NDP: variants seen among roughly 807,000 people sequenced by gnomAD.
NDP encodes norrin.
NDP carries 2 observed loss-of-function variants against 8.4 expected under a neutral mutation model. The ratio of observed to expected loss-of-function variants is 0.24; its 90% CI spans 0.10 to 0.75. The LOEUF (loss-of-function observed/expected upper bound fraction) is 0.75, where lower values mean the gene tolerates loss of function less well. Ranked by LOEUF, NDP falls within the 30% of genes least tolerant of loss-of-function variation. The pLI, the probability that NDP is intolerant of heterozygous loss-of-function variation, is 0.73. For missense variants in NDP, 81 were observed against 110.1 expected (o/e 0.74, Z 1.18); for synonymous variants, 55 against 45.6 (o/e 1.21, Z -0.83).
intron 2 of NDP, among the ~76,000 whole-genome samples, chrX:43,950,616 G>T (rs1260222962): frequency 9.0e-6 from 1 of 111,355 alleles, no homozygotes; most frequent in Non-Finnish European, 1.9e-5. Flanking sequence ...TAGAGACAGG[G>T]CATGTCTGGG....
chrX:43,958,278 T>C (rs935949882), intron 2 of NDP, among the ~76,000 whole-genome samples, 194 bp downstream of exon 2: 9 of 112,347 alleles, frequency 8.0e-5, no homozygotes, highest in Admixed American at 6.5e-4. Context: ...ACATGATTGA[T>C]TAGGCACTTT....
intron 1 of NDP, among the ~76,000 whole-genome samples, chrX:43,970,744 A>G (rs538742833): frequency 9.0e-6 from 1 of 111,336 alleles, no homozygotes; most frequent in African/African-American, 3.3e-5. Context: ...CTCCATATGC[A>G]TGTTTCTAAT....
At chrX:43,967,471 G>T (rs1313058834) in intron 1 of NDP, among the ~76,000 whole-genome samples, 1 of 110,980 alleles carries the variant, frequency 9.0e-6, no homozygotes, top group East Asian at 2.8e-4. Flanking sequence ...TTGAAGATAG[G>T]GGATGTTTTT....
intron 2 of NDP, among the ~76,000 whole-genome samples, chrX:43,952,588 C>T (rs1026504784): frequency 2.7e-5 from 3 of 111,703 alleles, no homozygotes; most frequent in African/African-American, 9.8e-5. Flanking sequence ...AAGTCAACAG[C>T]GTAGGGCCAT....
At chrX:43,958,914 C>A (rs957482371) in intron 1 of NDP, 62 bp from the exon 2 acceptor site, 1 of 352,565 alleles carries the variant, frequency 2.8e-6, no homozygotes, top group African/African-American at 2.6e-5. Flanking sequence ...TAATGGAACC[C>A]AGGAGGTATT....
At chrX:43,950,821 G>A (rs2035757231) in intron 2 of NDP, among the ~76,000 whole-genome samples, 1 of 112,005 alleles carries the variant, frequency 8.9e-6, no homozygotes, top group Non-Finnish European at 1.9e-5. Context: ...TTAGCAAACA[G>A]ACACCTTTAA....
At chrX:43,966,820 C>A (rs771948333) in intron 1 of NDP, among the ~76,000 whole-genome samples, 1 of 111,505 alleles carries the variant, frequency 9.0e-6, no homozygotes, top group Admixed American at 9.5e-5. Context: ...TGCGTTTGAA[C>A]CTCCTCACCC....
intron 1 of NDP, among the ~76,000 whole-genome samples, chrX:43,971,702 T>A (rs2035892075): frequency 8.9e-6 from 1 of 112,010 alleles, no homozygotes; most frequent in Non-Finnish European, 1.9e-5. Flanking sequence ...TAAAAAAAAA[T>A]TACAATAAAA....
intron 1 of NDP, chrX:43,960,869 C>T (rs2035822523): frequency 8.9e-6 from 1 of 112,413 alleles, no homozygotes; most frequent in Non-Finnish European, 1.9e-5. Context: ...CTGCCAGCAA[C>T]TTCTCTTCAG....
At chrX:43,963,420 C>G (rs1275442753) in intron 1 of NDP, among the ~76,000 whole-genome samples, 1 of 111,359 alleles carries the variant, frequency 9.0e-6, no homozygotes, top group Non-Finnish European at 1.9e-5. Context: ...TCTAAGAAGA[C>G]CAAGTTAAGC....
chrX:43,952,273 C>A (rs1038085988), intron 2 of NDP, among the ~76,000 whole-genome samples: 2 of 111,666 alleles, frequency 1.8e-5, no homozygotes, highest in African/African-American at 6.5e-5. Flanking sequence ...AGTCTGTTCT[C>A]CCCCCATCTC....
chrX:43,955,942 C>A lies in NDP; in HGVS notation c.174+2530G>T, dbSNP rs185409045. ...TACTGCCAGCAGATCAGAAGCAGAG[C>A]CTGAACTTCTATGTGATGGCTCCTA... On this transcript the variant is annotated intron_variant, in intron 2 of 2. Coordinates refer to ENST00000642620, the MANE Select transcript of NDP (RefSeq NM_000266.4). 2.0e-4 allele frequency among the ~76,000 whole-genome samples: 22 copies of A among 112,165 alleles called. 1 individual carries two copies. In the Admixed American group the frequency reaches 2.0e-3, roughly 10 times the overall value.
At chrX:43,954,192 C>T (rs1248765790) in intron 2 of NDP, among the ~76,000 whole-genome samples, 1 of 111,935 alleles carries the variant, frequency 8.9e-6, no homozygotes, top group Non-Finnish European at 1.9e-5. Flanking sequence ...TGCTTCTTCT[C>T]CCATTCTTTC....
chrX:43,963,093 C>A (rs2035835786), intron 1 of NDP, among the ~76,000 whole-genome samples: 1 of 112,238 alleles, frequency 8.9e-6, no homozygotes, highest in Non-Finnish European at 1.9e-5. Flanking sequence ...TTGCCAGGCA[C>A]AGGAGGGTGG....
chrX:43,960,257 C>T (rs747456608), intron 1 of NDP, among the ~76,000 whole-genome samples: 1 of 111,856 alleles, frequency 8.9e-6, no homozygotes, highest in South Asian at 3.8e-4. Context: ...CTGGGGAAGC[C>T]TTACACAAGT....
chrX:43,967,162 A>G (rs1232839876), intron 1 of NDP, among the ~76,000 whole-genome samples: 1 of 111,132 alleles, frequency 9.0e-6, no homozygotes, highest in Non-Finnish European at 1.9e-5. Flanking sequence ...AGCTATGTCT[A>G]TGTCTTTTGA....
chrX:43,955,438 T>C (rs1389212335), intron 2 of NDP, among the ~76,000 whole-genome samples: 1 of 112,007 alleles, frequency 8.9e-6, no homozygotes, highest in Non-Finnish European at 1.9e-5. Context: ...AGTCACTCAT[T>C]CGGCAAGCCA....
chrX:43,958,564 T>C lies in NDP; in HGVS notation c.82A>G (p.Ser28Gly). The change falls in exon 2 of 3, where the codon AGC becomes GGC. Residue 28 changes from serine (S) to glycine (G), a missense_variant. Physicochemically the swap from Ser to Gly is moderately conservative, Grantham distance 56 (BLOSUM62 0). Transcript: ENST00000642620. Reference protein sequence around the residue: ...IMGDTDSKTDSSFIMDSDPRR... With the variant: ...IMGDTDSKTDGSFIMDSDPRR... ...GGGTCCGAGTCCATTATGAATGAGCTGTCCGTTTTACTGTCTGTATCTCCC... is the reference window on the plus strand; with the variant it reads ...GGGTCCGAGTCCATTATGAATGAGCCGTCCGTTTTACTGTCTGTATCTCCC... The C allele has an allele frequency of 8.3e-7, 1 of 1,211,065 alleles. No homozygotes were observed. The highest frequency in any genetic ancestry group is 1.1e-6 in the Non-Finnish European group (1 of 894,547).
chrX:43,959,103 T>C (rs1448004418), intron 1 of NDP, among the ~76,000 whole-genome samples: 1 of 112,090 alleles, frequency 8.9e-6, no homozygotes, highest in Non-Finnish European at 1.9e-5. Context: ...CTGAAGTCCA[T>C]GTTCCTAGGG....
Sources: allele counts gnomAD v4.1 joint callset (sites outside exome capture counted in the v4.1 genomes callset), GRCh38; gene constraint gnomAD v4.1.1; transcripts MANE v1.5; gene names NCBI Gene and HGNC (gene_info 2026-07-23, HGNC 2026-07-21).